The following CRYBG1 variants were observed in gnomAD, a reference collection of about 807,000 sequenced individuals.
CRYBG1 encodes the protein crystallin beta-gamma domain containing 1, also known as beta/gamma crystallin domain-containing protein 1.
CRYBG1 carries 139 observed loss-of-function variants against 189.2 expected under a neutral mutation model. The ratio of observed to expected loss-of-function variants is 0.73; its 90% confidence interval spans 0.64 to 0.85. The LOEUF (loss-of-function observed/expected upper bound fraction) is 0.85. Among genes scored for constraint, CRYBG1 ranks in the 40% least tolerant of loss-of-function variants. CRYBG1 has a pLI of 0.00. For synonymous variants in CRYBG1, 1,023 were observed against 1,017.1 expected (o/e 1.01, Z -0.11); for missense variants, 2,611 against 2,675.8 (o/e 0.98, Z 0.53).
intron 2 of CRYBG1, among the ~76,000 whole-genome samples, chr6:106,484,621 A>G (rs1313634180): frequency 1.3e-5 from 2 of 152,082 alleles, no homozygotes; most frequent in African/African-American, 4.8e-5. Flanking sequence ...CACCTGGCCC[A>G]GCTTTGTCCT....
chr6:106,493,036 C>G (rs984216936), intron 2 of CRYBG1, among the ~76,000 whole-genome samples: 3 of 151,100 alleles, frequency 2.0e-5, no homozygotes, highest in African/African-American at 7.3e-5. Context: ...TTTACATAGA[C>G]TTACAGAGAA....
chr6:106,393,325 A>G (rs1168688613), intron 1 of CRYBG1, among the ~76,000 whole-genome samples: 1 of 152,126 alleles, frequency 6.6e-6, no homozygotes, highest in Non-Finnish European at 1.5e-5. Flanking sequence ...TAGCCCATAT[A>G]ATTAGGGCAC....
intron 4 of CRYBG1, among the ~76,000 whole-genome samples, chr6:106,523,827 G>A (rs1339346647): frequency 6.6e-6 from 1 of 151,604 alleles, no homozygotes; most frequent in African/African-American, 2.4e-5. Flanking sequence ...TGCCTTCCAG[G>A]TTCAAGCGAT....
At position 106,551,084 on chromosome 6, in the gene CRYBG1, C is replaced by T. The variant is rs370951234; in HGVS notation, c.5313-768C>T. Among the ~76,000 whole-genome samples the T allele has an allele frequency of 3.3e-5, 5 of 152,026 alleles. No individual in the cohort carries two copies. In the East Asian group the frequency reaches 5.8e-4, roughly 18 times the overall value. On this transcript the variant is annotated intron_variant, in intron 13 of 21. Transcript: ENST00000633556. ...CTGAAGTTTGGGGTACGGTTGAACC[C>T]GTCAACCTGAGCATAGCATGCAACA...
At chr6:106,385,463 C>G (rs1770367094) in intron 1 of CRYBG1, among the ~76,000 whole-genome samples, 1 of 152,200 alleles carries the variant, frequency 6.6e-6, no homozygotes, top group African/African-American at 2.4e-5. Flanking sequence ...CCAGTCATGG[C>G]AGCTACTCTG....
intron 1 of CRYBG1, among the ~76,000 whole-genome samples, chr6:106,430,044 G>T (rs1582757805): frequency 6.6e-6 from 1 of 152,082 alleles, no homozygotes; most frequent in East Asian, 1.9e-4. Context: ...AATATATTTA[G>T]ATTTCAGGTT....
At chr6:106,401,966 A>G (rs1417230276) in intron 1 of CRYBG1, among the ~76,000 whole-genome samples, 2 of 151,778 alleles carry the variant, frequency 1.3e-5, no homozygotes, top group African/African-American at 4.8e-5. Flanking sequence ...ATACAAAATC[A>G]ATGTACAAAA....
chr6:106,384,273 A>G (rs1770343169), intron 1 of CRYBG1, among the ~76,000 whole-genome samples: 1 of 152,174 alleles, frequency 6.6e-6, no homozygotes, highest in South Asian at 2.1e-4. Context: ...AGTGGTCCCC[A>G]ACCTTTTTGG....
chr6:106,483,408 T>TGTATATATATATATA (rs1241386087), intron 2 of CRYBG1, among the ~76,000 whole-genome samples: 1 of 121,428 alleles, frequency 8.2e-6, no homozygotes, highest in Non-Finnish European at 1.9e-5. Context: ...ATATAAAACA[T>TGTATATATATATATA]TTTCTTTATC....
At chr6:106,543,700 T>C in intron 11 of CRYBG1, 103 bp downstream of exon 11, 1 of 1,276,202 alleles carries the variant, frequency 7.8e-7, no homozygotes, top group African/African-American at 1.5e-5. Context: ...TTCTATAGTA[T>C]GGTGAATTTT....
chr6:106,396,902 G>A (rs1477140611), intron 1 of CRYBG1, among the ~76,000 whole-genome samples: 2 of 152,148 alleles, frequency 1.3e-5, no homozygotes, highest in Non-Finnish European at 2.9e-5. Context: ...AGCTGATCTC[G>A]AACTCCTGAC....
intron 1 of CRYBG1, among the ~76,000 whole-genome samples, chr6:106,434,907 T>C (rs1007103014): frequency 2.0e-5 from 3 of 152,284 alleles, no homozygotes; most frequent in African/African-American, 7.2e-5. Context: ...TTTCAGTTTA[T>C]GGATTTGTTG....
intron 1 of CRYBG1, among the ~76,000 whole-genome samples, chr6:106,448,858 A>C (rs376922151): frequency 6.6e-6 from 1 of 152,290 alleles, no homozygotes; most frequent in East Asian, 1.9e-4. Flanking sequence ...GTATGAAAAG[A>C]AGCCTGCTAG....
At chr6:106,537,166 TTTAG>T (rs1372642727) in intron 8 of CRYBG1, among the ~76,000 whole-genome samples, 1 of 152,208 alleles carries the variant, frequency 6.6e-6, no homozygotes, top group Non-Finnish European at 1.5e-5. Flanking sequence ...AAGTGAAATG[TTTAG>T]TATTAGATGA....
intron 17 of CRYBG1, 76 bp downstream of exon 17, chr6:106,555,973 C>T (rs550130686): frequency 2.9e-5 from 44 of 1,526,164 alleles, no homozygotes; most frequent in Admixed American, 1.7e-4. Flanking sequence ...GGTAACCAGC[C>T]GGTAGAACCT....
chr6:106,414,631 G>A (rs1174246717), intron 1 of CRYBG1, among the ~76,000 whole-genome samples: 1 of 152,186 alleles, frequency 6.6e-6, no homozygotes, highest in African/African-American at 2.4e-5. Flanking sequence ...TACCAATGAT[G>A]CAAACTTTAG....
At chr6:106,361,126 C>T (rs1771859906) in intron 1 of CRYBG1, 45 bp downstream of exon 1, 1 of 1,516,070 alleles carries the variant, frequency 6.6e-7, no homozygotes, top group Non-Finnish European at 8.8e-7. Flanking sequence ...CCTCCTCCTC[C>T]TCCTTCTCCT....
At chr6:106,505,568 C>G (rs1773113614) in intron 2 of CRYBG1, among the ~76,000 whole-genome samples, 2 of 152,084 alleles carry the variant, frequency 1.3e-5, no homozygotes, top group Non-Finnish European at 1.5e-5. Context: ...CTCCCCCTTC[C>G]CCATTCCCCA....
At chr6:106,456,860 C>T (rs1344338033) in intron 2 of CRYBG1, among the ~76,000 whole-genome samples, 1 of 152,142 alleles carries the variant, frequency 6.6e-6, no homozygotes, top group African/African-American at 2.4e-5. Flanking sequence ...CCCAAACCTG[C>T]TCCATCCCCT....
Sources: allele counts gnomAD v4.1 joint callset (sites outside exome capture counted in the v4.1 genomes callset), GRCh38; gene constraint gnomAD v4.1.1; transcripts MANE v1.5; gene names NCBI Gene and HGNC (gene_info 2026-07-23, HGNC 2026-07-21).